Variants in SORCS2 observed in about 807,000 individuals in gnomAD.
SORCS2 encodes the protein sortilin related VPS10 domain containing receptor 2, also known as VPS10 domain-containing receptor SorCS2.
Under a neutral mutation model 141.6 loss-of-function variants are expected in SORCS2, and 100 were observed. The observed-to-expected ratio is 0.71, with a 90% CI of 0.60 to 0.83. The LOEUF (loss-of-function observed/expected upper bound fraction) is 0.83. Ranked by LOEUF, SORCS2 falls within the 40% of genes least tolerant of loss-of-function variation. The pLI, the probability that SORCS2 is intolerant of heterozygous loss-of-function variation, is 0.00. For missense variants in SORCS2, 1,646 were observed against 1,560.2 expected, an observed-to-expected ratio of 1.05 and a Z score of -0.93; for synonymous variants, 789 against 676.9, an observed-to-expected ratio of 1.17 and a Z score of -2.57.
intron 1 of SORCS2, among the ~76,000 whole-genome samples, chr4:7,231,634 C>T (rs868852348): frequency 8.5e-5 from 13 of 152,316 alleles, no homozygotes; most frequent in Admixed American, 3.9e-4. Context: ...CCCAGATGAA[C>T]GGGGCAGCCT....
intron 18 of SORCS2, 56 bp downstream of exon 18, chr4:7,718,239 C>T: frequency 1.9e-6 from 3 of 1,571,136 alleles, no homozygotes; most frequent in Non-Finnish European, 2.6e-6. Flanking sequence ...GCGGCTCCAA[C>T]TGGGCACGCA....
chr4:7,661,412 C>A, intron 5 of SORCS2, 88 bp from the exon 6 acceptor site: 4 of 1,411,736 alleles, frequency 2.8e-6, no homozygotes, highest in Non-Finnish European at 3.9e-6. Context: ...ACCAGGGAGG[C>A]CACGTGGCTG....
At chr4:7,526,758 G>C (rs999757669) in intron 2 of SORCS2, among the ~76,000 whole-genome samples, 3 of 152,138 alleles carry the variant, frequency 2.0e-5, no homozygotes, top group African/African-American at 7.2e-5. Flanking sequence ...GGCCGAAGGT[G>C]TATGGGGATG....
intron 2 of SORCS2, among the ~76,000 whole-genome samples, chr4:7,512,665 T>C (rs1274841552): frequency 6.8e-6 from 1 of 147,448 alleles, no homozygotes; most frequent in African/African-American, 2.5e-5. Context: ...CTCCCCACCA[T>C]ACCCCTCCCC....
chr4:7,443,188 A>G (rs910684129), intron 2 of SORCS2, among the ~76,000 whole-genome samples: 8 of 152,184 alleles, frequency 5.3e-5, no homozygotes, highest in African/African-American at 1.7e-4. Flanking sequence ...GGACTTGAAC[A>G]TATCTTTTTT....
intron 3 of SORCS2, among the ~76,000 whole-genome samples, chr4:7,607,261 T>A (rs953701124): frequency 1.5e-4 from 23 of 152,336 alleles, no homozygotes; most frequent in Admixed American, 3.9e-4. Flanking sequence ...TAAAAATATG[T>A]GTTCAGCATT....
chr4:7,360,290 A>G (rs1721502929), intron 1 of SORCS2, among the ~76,000 whole-genome samples: 1 of 152,212 alleles, frequency 6.6e-6, no homozygotes, highest in African/African-American at 2.4e-5. Context: ...TGAGACTCAG[A>G]GAGGTGAGGT....
chr4:7,659,532 G>A (rs1722019437), intron 5 of SORCS2, among the ~76,000 whole-genome samples: 1 of 152,178 alleles, frequency 6.6e-6, no homozygotes, highest in Admixed American at 6.5e-5. Flanking sequence ...CCTCAAAGGC[G>A]AGGCTTTCAG....
chr4:7,633,139 C>G (rs575147205), intron 3 of SORCS2, among the ~76,000 whole-genome samples: 3 of 152,310 alleles, frequency 2.0e-5, no homozygotes, highest in South Asian at 2.1e-4. Flanking sequence ...AGGTTTAGTT[C>G]TGAGTCACCA....
At chr4:7,397,412 C>A (rs564891153) in intron 2 of SORCS2, among the ~76,000 whole-genome samples, 1 of 151,920 alleles carries the variant, frequency 6.6e-6, no homozygotes, top group South Asian at 2.1e-4. Context: ...CACAGTCCCC[C>A]GAGTAGTCCT....
chr4:7,314,198 T>C (rs959306038), intron 1 of SORCS2, among the ~76,000 whole-genome samples: 1 of 152,082 alleles, frequency 6.6e-6, no homozygotes, highest in Non-Finnish European at 1.5e-5. Context: ...GAGGAGAGGC[T>C]GGGCAGGGGC....
At chr4:7,680,197 G>A (rs1223262535) in intron 9 of SORCS2, among the ~76,000 whole-genome samples, 2 of 152,248 alleles carry the variant, frequency 1.3e-5, no homozygotes, top group Non-Finnish European at 2.9e-5. Context: ...TGGGTGTGCG[G>A]CTTGTCCGAA....
At chr4:7,603,151 GAGAGAGGGAGAGGGAGACCATGGAA>G (rs1295925311) in intron 3 of SORCS2, among the ~76,000 whole-genome samples, 2 of 151,718 alleles carry the variant, frequency 1.3e-5, no homozygotes, top group Non-Finnish European at 2.9e-5. Flanking sequence ...AGACCATGGA[GAGAGAGGGAGAGGGAGACCATGGAA>G]AGAGAGGGGG....
chr4:7,691,537 G>A (rs1034829932), intron 11 of SORCS2, among the ~76,000 whole-genome samples: 41 of 152,206 alleles, frequency 2.7e-4, no homozygotes, highest in African/African-American at 7.7e-4. Flanking sequence ...TTCAGCTTCC[G>A]GAGTTCCTCT....
At chr4:7,502,985 T>A (rs979263144) in intron 2 of SORCS2, among the ~76,000 whole-genome samples, 1 of 152,234 alleles carries the variant, frequency 6.6e-6, no homozygotes, top group Non-Finnish European at 1.5e-5. Context: ...GTGCATTTAT[T>A]GGACAAGTTC....
At chr4:7,484,423 G>T (rs62277656) in intron 2 of SORCS2, among the ~76,000 whole-genome samples, 1 of 152,138 alleles carries the variant, frequency 6.6e-6, no homozygotes, top group Admixed American at 6.5e-5. Flanking sequence ...GGGCCCAGCC[G>T]GAGCGGCCTG....
intron 2 of SORCS2, among the ~76,000 whole-genome samples, chr4:7,485,981 C>T (rs539181272): frequency 1.3e-5 from 2 of 152,342 alleles, no homozygotes; most frequent in Non-Finnish European, 2.9e-5. Context: ...TGCCTGCATC[C>T]TGGCACCCTC....
At chr4:7,670,386 G>T (rs1190013449) in intron 8 of SORCS2, among the ~76,000 whole-genome samples, 1 of 152,132 alleles carries the variant, frequency 6.6e-6, no homozygotes, top group African/African-American at 2.4e-5. Context: ...GAAAAGAGAA[G>T]AAAAATCCAA....
At chr4:7,279,724 T>G (rs2108856920) in intron 1 of SORCS2, among the ~76,000 whole-genome samples, 1 of 152,312 alleles carries the variant, frequency 6.6e-6, no homozygotes, top group South Asian at 2.1e-4. Flanking sequence ...GTGGAGTCCA[T>G]TCATAGGTCT....
Sources: allele counts gnomAD v4.1 joint callset (sites outside exome capture counted in the v4.1 genomes callset), GRCh38; gene constraint gnomAD v4.1.1; transcripts MANE v1.5; gene names NCBI Gene and HGNC (gene_info 2026-07-23, HGNC 2026-07-21).